Variants in ERICH1 observed in about 807,000 individuals in gnomAD.
ERICH1 encodes the protein glutamate rich 1.
ERICH1 carries 56 observed loss-of-function variants against 39.6 expected under a neutral mutation model. The observed-to-expected ratio is 1.41, with a 90% confidence interval of 1.14 to 1.77. The LOEUF (loss-of-function observed/expected upper bound fraction) is 1.77, where lower values mean the gene tolerates loss of function less well. Ranked by LOEUF, ERICH1 falls within the 40% of genes most tolerant of loss-of-function variation. The pLI, the probability that ERICH1 is intolerant of heterozygous loss-of-function variation, is 0.00. For synonymous variants in ERICH1, 313 were observed against 223.6 expected (o/e 1.40, Z -3.57); for missense variants, 826 against 575.4 (o/e 1.44, Z -4.45).
intron 3 of ERICH1, among the ~76,000 whole-genome samples, chr8:619,177 G>C (rs1797120575): frequency 6.6e-6 from 1 of 151,994 alleles, no homozygotes; most frequent in Admixed American, 6.5e-5. Context: ...GGCCACCTGT[G>C]TTGCCCACCT....
At chr8:722,641 C>T (rs76984914) in intron 1 of ERICH1, among the ~76,000 whole-genome samples, 11 of 152,280 alleles carry the variant, frequency 7.2e-5, no homozygotes, top group East Asian at 1.9e-4. Flanking sequence ...GTTGGGTATG[C>T]GACTCCTGGT....
intron 3 of ERICH1, among the ~76,000 whole-genome samples, chr8:640,191 G>T (rs1430769766): frequency 6.6e-6 from 1 of 152,140 alleles, no homozygotes; most frequent in Non-Finnish European, 1.5e-5. Context: ...CCTAATCAAA[G>T]GACCCCTATG....
chr8:705,727 T>C (rs1005386427), intron 2 of ERICH1, among the ~76,000 whole-genome samples: 2 of 152,154 alleles, frequency 1.3e-5, no homozygotes, highest in Non-Finnish European at 2.9e-5. Context: ...GCATCCAGAC[T>C]GGACAGGGAA....
At chr8:710,085 C>G (rs537881726) in intron 2 of ERICH1, among the ~76,000 whole-genome samples, 15 of 152,344 alleles carry the variant, frequency 9.8e-5, no homozygotes, top group Non-Finnish European at 2.1e-4. Context: ...TCATCACCGT[C>G]AGAGCCGTAC....
rs1193866699 is a variant in ERICH1 at position 715,966 on chromosome 8, G to GAAC, written c.61_63dup (p.Val21dup). ...GGTTCCCTCTTTCCTTGGCCACTTG[G>GAAC]AACAGGAGGAAAAAGTCTCTGCAGC... On this transcript the variant is annotated inframe_insertion, in exon 2 of 6. Coordinates refer to ENST00000262109, the MANE Select transcript of ERICH1 (RefSeq NM_207332.3). 6.2e-7 allele frequency: 1 copy of GAAC among 1,613,428 alleles called. No homozygotes were observed.
At chr8:727,949 G>A (rs1819164252) in intron 1 of ERICH1, among the ~76,000 whole-genome samples, 1 of 152,210 alleles carries the variant, frequency 6.6e-6, no homozygotes, top group South Asian at 2.1e-4. Context: ...CACAGCAGCA[G>A]GCGGTGAGGA....
At chr8:703,118 G>A (rs1421556336) in intron 2 of ERICH1, among the ~76,000 whole-genome samples, 2 of 152,210 alleles carry the variant, frequency 1.3e-5, no homozygotes, top group Non-Finnish European at 2.9e-5. Flanking sequence ...GGCCTCTCGT[G>A]TCCCCCTGTA....
intron 5 of ERICH1, 173 bp downstream of exon 5, chr8:668,425 T>G (rs1802615402): frequency 3.1e-6 from 2 of 641,032 alleles, no homozygotes; most frequent in Non-Finnish European, 5.4e-6. Flanking sequence ...TATTTTTATA[T>G]CAAGCAGAGA....
chr8:695,552 TCTCCTTCCTCCCCATCA>T (rs1809993767), intron 2 of ERICH1, among the ~76,000 whole-genome samples: 2 of 119,476 alleles, frequency 1.7e-5, no homozygotes, highest in African/African-American at 3.0e-5. Context: ...CCTCCACTCC[TCTCCTTCCTCCCCATCA>T]GCCTGCGCCT....
At chr8:655,751 GCA>G (rs1262197463) in intron 3 of ERICH1, among the ~76,000 whole-genome samples, 1 of 148,178 alleles carries the variant, frequency 6.7e-6, no homozygotes, top group East Asian at 2.0e-4. Flanking sequence ...CCTCTCTCAT[GCA>G]CAGTCACACA....
At chr8:721,299 G>A (rs1456891154) in intron 1 of ERICH1, among the ~76,000 whole-genome samples, 1 of 152,142 alleles carries the variant, frequency 6.6e-6, no homozygotes, top group Non-Finnish European at 1.5e-5. Context: ...TTTTAAAAGA[G>A]CAAAGTTTAA....
At chr8:699,864 G>C (rs1445721935) in intron 2 of ERICH1, among the ~76,000 whole-genome samples, 4 of 90,270 alleles carry the variant, frequency 4.4e-5, no homozygotes, top group African/African-American at 7.7e-5. Flanking sequence ...CACGCGCACA[G>C]ACCCTCACAG....
chr8:686,631 A>C (rs1459279812), intron 3 of ERICH1: 2 of 152,274 alleles, frequency 1.3e-5, no homozygotes, highest in African/African-American at 4.8e-5. Flanking sequence ...ATGACCATAC[A>C]CAGTGCCAAC....
downstream of ERICH1, among the ~76,000 whole-genome samples, chr8:663,810 A>G (rs905950548): frequency 6.6e-6 from 1 of 151,582 alleles, no homozygotes; most frequent in African/African-American, 2.4e-5. Context: ...CCCAGGCTGC[A>G]GTGCAGTGGT....
intron 3 of ERICH1, among the ~76,000 whole-genome samples, chr8:686,280 C>G (rs1208712484): frequency 2.0e-5 from 3 of 152,160 alleles, no homozygotes; most frequent in Non-Finnish European, 4.4e-5. Flanking sequence ...ACATTCACTT[C>G]AAGCTAAAAG....
At chr8:719,625 T>C (rs548528950) in intron 1 of ERICH1, among the ~76,000 whole-genome samples, 2 of 152,238 alleles carry the variant, frequency 1.3e-5, no homozygotes, top group Admixed American at 6.5e-5. Flanking sequence ...AATTCTGGCA[T>C]CCGCTGGTGG....
intron 2 of ERICH1, among the ~76,000 whole-genome samples, chr8:703,057 G>A (rs1401658945): frequency 6.6e-6 from 1 of 152,236 alleles, no homozygotes; most frequent in African/African-American, 2.4e-5. Context: ...TCACCTCCAG[G>A]AGCTGGAAAC....
chr8:663,980 C>T (rs151332940), downstream of ERICH1, among the ~76,000 whole-genome samples: 13 of 152,244 alleles, frequency 8.5e-5, no homozygotes, highest in African/African-American at 2.6e-4. Context: ...AGGATGCTCT[C>T]GATCTCCTGA....
intron 3 of ERICH1, among the ~76,000 whole-genome samples, chr8:620,280 C>G (rs1797200528): frequency 6.6e-6 from 1 of 151,954 alleles, no homozygotes; most frequent in South Asian, 2.1e-4. Context: ...CCACTGCACT[C>G]CAGCCTGGGC....
Sources: allele counts gnomAD v4.1 joint callset (sites outside exome capture counted in the v4.1 genomes callset), GRCh38; gene constraint gnomAD v4.1.1; transcripts MANE v1.5; gene names NCBI Gene and HGNC (gene_info 2026-07-23, HGNC 2026-07-21).